Variants in RERE observed in about 807,000 individuals in gnomAD.
The protein encoded by RERE is arginine-glutamic acid dipeptide repeats protein.
RERE carries 40 observed loss-of-function variants against 146.1 expected under a neutral mutation model. That is an observed-to-expected ratio of 0.27 (90% confidence interval 0.21 to 0.36). RERE has a LOEUF of 0.36. Among genes scored for constraint, RERE ranks in the 10% least tolerant of loss-of-function variants. The pLI, the probability that RERE is intolerant of heterozygous loss-of-function variation, is 1.00. For missense variants in RERE, 1,933 were observed against 2,138.7 expected, an observed-to-expected ratio of 0.90 and a Z score of 1.90; for synonymous variants, 1,003 against 866.0, an observed-to-expected ratio of 1.16 and a Z score of -2.78.
intron 4 of RERE, among the ~76,000 whole-genome samples, chr1:8,611,105 G>A (rs940558661): frequency 4.6e-5 from 7 of 152,144 alleles, no homozygotes; most frequent in Non-Finnish European, 8.8e-5. Context: ...TGAGGCAGGA[G>A]AATTGCTTGA....
intron 12 of RERE, among the ~76,000 whole-genome samples, chr1:8,410,028 T>C (rs1157882606): frequency 2.0e-5 from 3 of 149,020 alleles, no homozygotes; most frequent in Non-Finnish European, 3.0e-5. Context: ...TGCTTTCTCA[T>C]TGTGGGAAAT....
chr1:8,628,701 C>T (rs1400591393), intron 2 of RERE, among the ~76,000 whole-genome samples: 1 of 151,964 alleles, frequency 6.6e-6, no homozygotes, highest in Non-Finnish European at 1.5e-5. Context: ...GTTTATAGCA[C>T]AAAAATAAAG....
chr1:8,480,929 T>C (rs147440855), intron 10 of RERE, among the ~76,000 whole-genome samples: 1 of 152,304 alleles, frequency 6.6e-6, no homozygotes, highest in Non-Finnish European at 1.5e-5. Context: ...AATCATCTGA[T>C]AAAGAAGTTT....
At chr1:8,616,546 T>C (rs940758390) in intron 3 of RERE, among the ~76,000 whole-genome samples, 2 of 152,216 alleles carry the variant, frequency 1.3e-5, no homozygotes, top group Admixed American at 6.5e-5. Flanking sequence ...CAACCTTTCT[T>C]AAGCTCCTTT....
intron 3 of RERE, among the ~76,000 whole-genome samples, chr1:8,617,354 A>AAAAAAAAAAAAAAG (rs1646866204): frequency 6.7e-6 from 1 of 149,048 alleles, no homozygotes; most frequent in Non-Finnish European, 1.5e-5. Context: ...AAAAAAAAAA[A>AAAAAAAAAAAAAAG]AAAGAATTCC....
intron 4 of RERE, among the ~76,000 whole-genome samples, chr1:8,574,639 A>G (rs1451191521): frequency 6.6e-6 from 1 of 152,236 alleles, no homozygotes; most frequent in Non-Finnish European, 1.5e-5. Context: ...CAAAAACATG[A>G]ATTTCACAAA....
At chr1:8,720,459 G>A (rs1569629098) in intron 1 of RERE, among the ~76,000 whole-genome samples, 1 of 152,036 alleles carries the variant, frequency 6.6e-6, no homozygotes, top group Admixed American at 6.6e-5. Flanking sequence ...GAGCAAGAAG[G>A]ATTAAACATA....
intron 7 of RERE, among the ~76,000 whole-genome samples, chr1:8,531,323 G>C (rs1645650963): frequency 1.3e-5 from 2 of 151,858 alleles, no homozygotes; most frequent in South Asian, 4.1e-4. Context: ...TGCACCTGTA[G>C]TCCCAGCTAC....
At chr1:8,633,272 A>T (rs951959450) in intron 2 of RERE, among the ~76,000 whole-genome samples, 1 of 152,190 alleles carries the variant, frequency 6.6e-6, no homozygotes, top group Non-Finnish European at 1.5e-5. Flanking sequence ...AAATTTTTTT[A>T]AATAGCTGGG....
chr1:8,761,815 G>A (rs1198054952), intron 1 of RERE, among the ~76,000 whole-genome samples: 1 of 152,046 alleles, frequency 6.6e-6, no homozygotes, highest in East Asian at 1.9e-4. Context: ...CCAGCTACTC[G>A]GAAGGCTGAG....
intron 1 of RERE, among the ~76,000 whole-genome samples, chr1:8,772,017 T>C (rs1397629491): frequency 6.6e-6 from 1 of 152,110 alleles, no homozygotes; most frequent in Admixed American, 6.6e-5. Flanking sequence ...TAAAATTTTG[T>C]ATGTATGTAC....
rs756753966 is a variant in RERE at position 8,362,835 on chromosome 1, G to C, written c.1750C>G (p.Leu584Val). The change falls in exon 16 of 23, where the codon CTA becomes GTA. Residue 584 changes from leucine to valine, a missense_variant. Leu to Val is a conservative substitution (Grantham distance 32). Coordinates refer to ENST00000400908, the MANE Select transcript of RERE (RefSeq NM_001042681.2). The part of the protein sequence containing the change: ...TRRSRGSMST[L>V]RSGRKKQPAS... ...GGCTGCTTCTTCCGACCACTGCGTAGTGTCGACATCTGCCCACCCAAACCG... is the reference window on the plus strand; with the variant it reads ...GGCTGCTTCTTCCGACCACTGCGTACTGTCGACATCTGCCCACCCAAACCG... 6.2e-7 allele frequency: 1 copy of C among 1,612,024 alleles called. No individual in the cohort carries two copies. The highest frequency in any genetic ancestry group is 8.5e-7 in the Non-Finnish European group (1 of 1,178,870).
At chr1:8,600,750 CTTTTTTTTTTT>C (rs59816060) in intron 4 of RERE, among the ~76,000 whole-genome samples, 1 of 113,446 alleles carries the variant, frequency 8.8e-6, no homozygotes, top group Non-Finnish European at 1.8e-5. Context: ...CAAGCCAATA[CTTTTTTTTTTT>C]TTTTTTTTTT....
chr1:8,604,423 T>C (rs1488272926), intron 4 of RERE, among the ~76,000 whole-genome samples: 3 of 146,666 alleles, frequency 2.0e-5, no homozygotes, highest in South Asian at 2.2e-4. Flanking sequence ...AGAGGTGGGA[T>C]AGGAAATGGA....
intron 12 of RERE, among the ~76,000 whole-genome samples, chr1:8,415,301 T>C (rs1440521103): frequency 1.3e-5 from 2 of 152,198 alleles, no homozygotes; most frequent in African/African-American, 2.4e-5. Context: ...TGCAGACTAT[T>C]TAGGCTTCAA....
chr1:8,788,925 C>G (rs1015215811), intron 1 of RERE, among the ~76,000 whole-genome samples: 1 of 150,862 alleles, frequency 6.6e-6, no homozygotes, highest in Non-Finnish European at 1.5e-5. Flanking sequence ...ACCCTGGGCA[C>G]AGCCCTGAGG....
intron 20 of RERE, 124 bp downstream of exon 20, chr1:8,358,072 T>A (rs1466325775): frequency 6.8e-7 from 1 of 1,466,888 alleles, no homozygotes. Context: ...TCTTCTAAGA[T>A]CTGCCAGGGA....
intron 2 of RERE, among the ~76,000 whole-genome samples, chr1:8,635,654 G>A (rs1047865200): frequency 2.0e-4 from 30 of 152,172 alleles, no homozygotes; most frequent in African/African-American, 6.7e-4. Flanking sequence ...AGAACTTTGG[G>A]AGGAAAAATT....
intron 8 of RERE, among the ~76,000 whole-genome samples, chr1:8,504,317 C>T (rs758256371): frequency 3.3e-5 from 5 of 151,964 alleles, no homozygotes; most frequent in Non-Finnish European, 5.9e-5. Flanking sequence ...GTGAAAAGGA[C>T]AAAAACCACT....
Sources: gnomAD v4.1 joint callset for allele counts (sites outside exome capture counted in the v4.1 genomes callset) on GRCh38, gnomAD v4.1.1 for gene constraint, MANE v1.5 for transcripts, NCBI Gene and HGNC (gene_info 2026-07-23, HGNC 2026-07-21) for gene names.